PLEKHH2: variants seen among roughly 807,000 people sequenced by gnomAD.
PLEKHH2 encodes pleckstrin homology domain-containing family H member 2.
A neutral mutation model predicts 187.9 loss-of-function variants in PLEKHH2; 129 were observed. That is an observed-to-expected ratio of 0.69 (90% CI 0.59 to 0.79). PLEKHH2 has a LOEUF of 0.79. Among genes scored for constraint, PLEKHH2 ranks in the 30% least tolerant of loss-of-function variants. The probability of loss-of-function intolerance (pLI) is 0.00; values close to 1 mark genes in which losing one functional copy is unlikely to be tolerated. For missense variants in PLEKHH2, 2,076 were observed against 1,751.2 expected, an observed-to-expected ratio of 1.19 and a Z score of -3.31; for synonymous variants, 686 against 605.6, an observed-to-expected ratio of 1.13 and a Z score of -1.95.
chr2:43,748,442 T>C (rs1671868751), intron 24 of PLEKHH2, among the ~76,000 whole-genome samples: 1 of 152,206 alleles, frequency 6.6e-6, no homozygotes, highest in Non-Finnish European at 1.5e-5. Context: ...AGATTATTAT[T>C]GTAGTTCTGT....
intron 2 of PLEKHH2, among the ~76,000 whole-genome samples, chr2:43,652,837 T>C (rs12612090): frequency 0.37 from 56,223 of 151,946 alleles, 10,698 homozygotes; most frequent in Non-Finnish European, 0.41. Flanking sequence ...CAAAACAAAA[T>C]GAGCAAAACT....
At chr2:43,699,496 G>C in intron 7 of PLEKHH2, 151 bp from the exon 8 acceptor site, 1 of 904,702 alleles carries the variant, frequency 1.1e-6, no homozygotes, top group Non-Finnish European at 1.7e-6. Context: ...TCCTGCCTCA[G>C]CCTCCCAAGT....
rs193052621 is a variant in PLEKHH2 at position 43,765,392 on chromosome 2, A to G, written c.4297-21A>G. ...ATGAGAACTTCTAAGGAGCAAAACA[A>G]TTCTGTTTTCCTTGTTTTAGATTCT... On this transcript the variant is annotated intron_variant, in intron 29 of 29. Transcript: ENST00000282406. The G allele has an allele frequency of 1.2e-3, 1,939 of 1,610,436 alleles. 1 individual carries two copies. Among genetic ancestry groups the G allele is most frequent in the Non-Finnish European group, 1.5e-3 (1,786 of 1,177,326 alleles).
chr2:43,714,170 C>G (rs916365314), intron 15 of PLEKHH2, among the ~76,000 whole-genome samples: 8 of 152,144 alleles, frequency 5.3e-5, no homozygotes, highest in Non-Finnish European at 1.0e-4. Flanking sequence ...TTAAGATGAT[C>G]CCATGGCTAA....
At chr2:43,749,565 T>C (rs1362692150) in intron 24 of PLEKHH2, among the ~76,000 whole-genome samples, 1 of 152,252 alleles carries the variant, frequency 6.6e-6, no homozygotes, top group African/African-American at 2.4e-5. Flanking sequence ...AGATGATGAT[T>C]ACCTTGTTTA....
At chr2:43,707,621 A>G in intron 11 of PLEKHH2, 76 bp downstream of exon 11, 1 of 1,534,186 alleles carries the variant, frequency 6.5e-7, no homozygotes, top group Non-Finnish European at 8.8e-7. Flanking sequence ...TCTCCATTAC[A>G]GGATTATTTT....
chr2:43,643,407 T>G (rs1448208659), intron 1 of PLEKHH2, among the ~76,000 whole-genome samples: 1 of 152,156 alleles, frequency 6.6e-6, no homozygotes, highest in Non-Finnish European at 1.5e-5. Flanking sequence ...TGCTTATATT[T>G]ATTTCTAACG....
intron 16 of PLEKHH2, among the ~76,000 whole-genome samples, chr2:43,721,931 A>T (rs1670500061): frequency 6.6e-6 from 1 of 152,098 alleles, no homozygotes; most frequent in Non-Finnish European, 1.5e-5. Context: ...GTGTGGGAAA[A>T]TGCCGACATA....
At chr2:43,642,729 G>T (rs897248159) in intron 1 of PLEKHH2, among the ~76,000 whole-genome samples, 1 of 151,980 alleles carries the variant, frequency 6.6e-6, no homozygotes, top group Non-Finnish European at 1.5e-5. Context: ...TACGGTTTTT[G>T]TTCTTTATTC....
chr2:43,683,146 T>A (rs1202509778), intron 3 of PLEKHH2, among the ~76,000 whole-genome samples: 1 of 145,532 alleles, frequency 6.9e-6, no homozygotes, highest in African/African-American at 2.5e-5. Flanking sequence ...TATACCCTTT[T>A]TTTTTTTTTT....
At chr2:43,728,104 C>A (rs991147814) in intron 17 of PLEKHH2, among the ~76,000 whole-genome samples, 1 of 152,148 alleles carries the variant, frequency 6.6e-6, no homozygotes, top group Non-Finnish European at 1.5e-5. Context: ...TTGGAAAGTA[C>A]TTTGAAAATA....
intron 24 of PLEKHH2, among the ~76,000 whole-genome samples, chr2:43,746,552 G>A (rs566381477): frequency 1.8e-4 from 26 of 147,080 alleles, no homozygotes; most frequent in African/African-American, 5.4e-4. Flanking sequence ...ACACACACAC[G>A]CACACAATCA....
rs1671399998 is a variant in PLEKHH2, at chr2:43,738,391, C to A, written c.2994C>A (p.Tyr998Ter). 6.2e-7 allele frequency: 1 copy of A among 1,613,758 alleles called. No individual in the cohort carries two copies. Among genetic ancestry groups the A allele is most frequent in the Non-Finnish European group, 8.5e-7 (1 of 1,179,792 alleles). Residue 998 changes from tyrosine (Y) to a stop codon, truncating the protein, a stop_gained, in exon 20 of 30, where the codon TAC (tyrosine) becomes TAA (stop). Coordinates refer to ENST00000282406, the MANE Select transcript of PLEKHH2 (RefSeq NM_172069.4). LOFTEE classifies it high-confidence loss of function. Reference protein sequence around the residue: ...NAAVDSPAIDYHISLAQSALQ... With the variant: ...NAAVDSPAID The stretch of plus-strand genomic sequence containing the variant: ...CAGTTGACTCTCCTGCAATTGATTA[C>A]CACATATCTTTAGCCCAGAGTGCTT...
In PLEKHH2 at chr2:43,678,115, C is replaced by T. The variant is rs58403096; in HGVS notation, c.124-748C>T. The stretch of plus-strand genomic sequence containing the variant: ...GGCGCTCCTCACATTCCAGACCGGG[C>T]GGCGGGGCAGAGGCGCTCCCCACAT... On this transcript the variant is annotated intron_variant, in intron 2 of 29. Transcript: ENST00000282406. 9.0e-3 allele frequency among the ~76,000 whole-genome samples: 1,315 copies of T among 145,424 alleles called. 24 individuals carry two copies. Among genetic ancestry groups the T allele is most frequent in the African/African-American group, 0.032 (1,254 of 38,630 alleles).
At chr2:43,695,466 A>G (rs754227965) in intron 6 of PLEKHH2, among the ~76,000 whole-genome samples, 8 of 152,260 alleles carry the variant, frequency 5.3e-5, no homozygotes, top group Non-Finnish European at 1.0e-4. Flanking sequence ...GTAGATCAGA[A>G]AAACATGACC....
Position 43,757,169 on chromosome 2 carries a change from T to C in PLEKHH2, c.3846T>C (p.Val1282=). The C allele has an allele frequency of 1.2e-6, 2 of 1,602,822 alleles. No individual in the cohort carries two copies. The part of the protein sequence containing the change: ...ERPFSTPAGH[V]TNQCKVNQTL... ...CTTTCTCAACTCCAGCAGGGCATGT[T>C]ACCAATCAGTGCAAAGTGAATCAAA... The change falls in exon 26 of 30, where the codon GTT becomes GTC. Residue 1282 remains valine (V), a synonymous_variant. Transcript: ENST00000282406.
At chr2:43,658,014 T>C (rs1208226547) in intron 2 of PLEKHH2, among the ~76,000 whole-genome samples, 4 of 152,246 alleles carry the variant, frequency 2.6e-5, no homozygotes, top group African/African-American at 9.6e-5. Flanking sequence ...TCATTTTCTG[T>C]CTTCTGAACA....
At chr2:43,755,475 G>T (rs748977844) in intron 25 of PLEKHH2, among the ~76,000 whole-genome samples, 2 of 152,152 alleles carry the variant, frequency 1.3e-5, no homozygotes, top group South Asian at 2.1e-4. Context: ...CCTTTCTCTG[G>T]TCTGGTCCCT....
chr2:43,748,178 C>G (rs1671855632), intron 24 of PLEKHH2, among the ~76,000 whole-genome samples: 1 of 152,180 alleles, frequency 6.6e-6, no homozygotes. Context: ...AACACTGGAG[C>G]TTCTTTATTC....
Sources: allele counts gnomAD v4.1 joint callset (sites outside exome capture counted in the v4.1 genomes callset), GRCh38; gene constraint gnomAD v4.1.1; transcripts MANE v1.5; gene names NCBI Gene and HGNC (gene_info 2026-07-23, HGNC 2026-07-21).